SRPK2: variants seen among roughly 807,000 people sequenced by gnomAD.
SRPK2 encodes SRSF protein kinase 2.
A neutral mutation model predicts 90.8 loss-of-function variants in SRPK2; 21 were observed. The ratio of observed to expected loss-of-function variants is 0.23; its 90% confidence interval spans 0.16 to 0.33. The LOEUF (loss-of-function observed/expected upper bound fraction) is 0.33. SRPK2 is among the 10% of genes least tolerant of loss of function. The probability of loss-of-function intolerance (pLI) is 1.00; values close to 1 mark genes in which losing one functional copy is unlikely to be tolerated. For synonymous variants in SRPK2, 288 were observed against 311.1 expected, an observed-to-expected ratio of 0.93 and a Z score of 0.78; for missense variants, 620 against 869.0, an observed-to-expected ratio of 0.71 and a Z score of 3.60.
intron 3 of SRPK2, among the ~76,000 whole-genome samples, chr7:105,193,709 T>C (rs1438988957): frequency 6.6e-6 from 1 of 152,180 alleles, no homozygotes; most frequent in African/African-American, 2.4e-5. Flanking sequence ...ATGATTTCTT[T>C]CAGCAGTAAA....
chr7:105,175,246 T>C (rs1228725818), intron 3 of SRPK2, among the ~76,000 whole-genome samples: 2 of 151,708 alleles, frequency 1.3e-5, no homozygotes, highest in African/African-American at 4.8e-5. Context: ...CTCAGAAATT[T>C]GGAAACTAAG....
At chr7:105,369,164 C>T in intron 2 of SRPK2, among the ~76,000 whole-genome samples, 1 of 109,456 alleles carries the variant, frequency 9.1e-6, no homozygotes, top group South Asian at 3.3e-4. Flanking sequence ...TATTATTATT[C>T]GAGATAGAGT....
rs756424370 is a variant in SRPK2, at chr7:105,142,300, T to G, written c.1251A>C (p.Glu417Asp). The G allele has an allele frequency of 2.1e-5, 34 of 1,614,084 alleles. No individual in the cohort carries two copies. The highest frequency in any genetic ancestry group is 2.8e-5 in the Non-Finnish European group (33 of 1,180,030). ...QQLDDEDDDE[E>D]DCPNPEEYNL... ...TATATTCCTCAGGATTTGGGCAGTC[T>G]TCTTCATCATCATCTTCATCGTCCA... Residue 417 changes from glutamate to aspartate, a missense_variant, in exon 11 of 16, where the codon GAA becomes GAC. Around this residue, in one of 8 missense-constraint regions of SRPK2, gnomAD observed 243 missense variants for 245.7 expected, o/e 0.99. Transcript: ENST00000393651.
intron 2 of SRPK2, among the ~76,000 whole-genome samples, chr7:105,288,095 A>C (rs1563196039): frequency 2.6e-5 from 4 of 152,288 alleles, no homozygotes; most frequent in Admixed American, 2.0e-4. Context: ...TATTAAAGGA[A>C]AAAAATAACA....
At chr7:105,200,971 T>G (rs1172407505) in intron 3 of SRPK2, among the ~76,000 whole-genome samples, 1 of 152,234 alleles carries the variant, frequency 6.6e-6, no homozygotes, top group Non-Finnish European at 1.5e-5. Context: ...CTGATCTTGA[T>G]GGTTGTATTT....
chr7:105,323,589 CAA>C (rs1233551309), intron 2 of SRPK2, among the ~76,000 whole-genome samples: 5 of 152,160 alleles, frequency 3.3e-5, no homozygotes, highest in Admixed American at 1.3e-4. Flanking sequence ...ATGTTAAAAA[CAA>C]AAAAGTCTTT....
chr7:105,127,808 C>A (rs1284624074), intron 13 of SRPK2, among the ~76,000 whole-genome samples: 1 of 152,214 alleles, frequency 6.6e-6, no homozygotes, highest in Non-Finnish European at 1.5e-5. Context: ...TGCTACTGCT[C>A]TGCTGATCAA....
At chr7:105,159,464 A>AAAAAAAAAAAAAC (rs1807168874) in intron 7 of SRPK2, among the ~76,000 whole-genome samples, 4 of 141,678 alleles carry the variant, frequency 2.8e-5, no homozygotes, top group African/African-American at 1.2e-4. Context: ...AAAAAAAAAA[A>AAAAAAAAAAAAAC]AAAAAAAAAC....
intron 2 of SRPK2, among the ~76,000 whole-genome samples, chr7:105,363,009 G>A (rs528093476): frequency 6.6e-6 from 1 of 152,164 alleles, no homozygotes; most frequent in African/African-American, 2.4e-5. Context: ...GACACAGGAT[G>A]GGGAACATCA....
At chr7:105,383,095 C>T (rs1227213254) in intron 2 of SRPK2, among the ~76,000 whole-genome samples, 10 of 113,606 alleles carry the variant, frequency 8.8e-5, no homozygotes, top group Non-Finnish European at 1.5e-4. Flanking sequence ...GACAGAGTCT[C>T]GCTCTATCGC....
chr7:105,370,107 A>T (rs1819531274), intron 2 of SRPK2, among the ~76,000 whole-genome samples: 1 of 152,160 alleles, frequency 6.6e-6, no homozygotes. Context: ...TGTACCCTGG[A>T]TGTTAGAAGT....
In SRPK2 at chr7:105,167,870, C is replaced by T; in HGVS notation, c.426+138G>A. ...AAGTGATCTGCTCGCTTTGGCCTCC[C>T]AAAGTGCTGAGATTATAGGCATGAG... On this transcript the variant is annotated intron_variant, in intron 5 of 15. Coordinates refer to ENST00000393651, the MANE Select transcript of SRPK2 (RefSeq NM_182692.3). 3 of 673,028 alleles carry T rather than the reference C, an allele frequency of 4.5e-6. No individual in the cohort carries two copies. The South Asian group carries it at 6.5e-5, about 15-fold the overall frequency. The allele number at this position is 673,028 out of a possible 1,614,324, so 41.7% of individuals were successfully genotyped here.
chr7:105,190,816 A>C (rs569624204), intron 3 of SRPK2, among the ~76,000 whole-genome samples: 1 of 152,180 alleles, frequency 6.6e-6, no homozygotes, highest in African/African-American at 2.4e-5. Flanking sequence ...ATTTCTAACC[A>C]CCTTCTTGAT....
intron 2 of SRPK2, among the ~76,000 whole-genome samples, chr7:105,319,285 A>C (rs533572159): frequency 4.6e-5 from 7 of 152,216 alleles, no homozygotes; most frequent in Admixed American, 2.0e-4. Flanking sequence ...AAAATGGAAT[A>C]ATCTACTACC....
At chr7:105,217,849 T>C (rs1208608004) in intron 2 of SRPK2, among the ~76,000 whole-genome samples, 2 of 152,218 alleles carry the variant, frequency 1.3e-5, no homozygotes, top group Admixed American at 6.5e-5. Context: ...ATAACATTAC[T>C]TCTTTAATTA....
intron 3 of SRPK2, among the ~76,000 whole-genome samples, chr7:105,183,843 A>T (rs13237370): frequency 0.82 from 124,212 of 152,210 alleles, 51,361 homozygotes; most frequent in Non-Finnish European, 0.87. Context: ...GTAATTTGGG[A>T]AACAAGCTGT....
At chr7:105,134,364 G>A (rs1411772263) in intron 11 of SRPK2, among the ~76,000 whole-genome samples, 1 of 152,160 alleles carries the variant, frequency 6.6e-6, no homozygotes. Flanking sequence ...TCCTGCTCCA[G>A]CCATGTAAGA....
chr7:105,230,149 G>A (rs1799243983), intron 2 of SRPK2, among the ~76,000 whole-genome samples: 1 of 152,180 alleles, frequency 6.6e-6, no homozygotes, highest in African/African-American at 2.4e-5. Context: ...AATGCCTGAG[G>A]ATAAGAGGGC....
chr7:105,140,936 G>A (rs1341934499), intron 11 of SRPK2, among the ~76,000 whole-genome samples: 1 of 152,042 alleles, frequency 6.6e-6, no homozygotes, highest in African/African-American at 2.4e-5. Context: ...ACTACAGCCT[G>A]GGTGACAGAG....
Sources: allele counts gnomAD v4.1 joint callset (sites outside exome capture counted in the v4.1 genomes callset), GRCh38; gene constraint gnomAD v4.1.1; regional missense constraint gnomAD v4.1.1; transcripts MANE v1.5; gene names NCBI Gene and HGNC (gene_info 2026-07-23, HGNC 2026-07-21).